The following PCAT7 variants were observed in gnomAD, a reference collection of about 807,000 sequenced individuals.
The protein encoded by PCAT7 is prostate cancer associated transcript 7 (non-protein coding).
At chr9:94,574,559 T>C (rs1334208421) in intron 3 of PCAT7, among the ~76,000 whole-genome samples, 1 of 152,166 alleles carries the variant, frequency 6.6e-6, no homozygotes, top group Admixed American at 6.5e-5. Flanking sequence ...GTCTTGTATA[T>C]GTCACAAATA....
intron 2 of PCAT7, chr9:94,567,136 C>CA (rs1827201084): frequency 2.4e-6 from 2 of 817,980 alleles, no homozygotes; most frequent in South Asian, 3.5e-5. Flanking sequence ...AGGCAGAGTC[C>CA]ATCATCTTCA....
chr9:94,568,155 T>A (rs1018619394), intron 2 of PCAT7: 1 of 151,392 alleles, frequency 6.6e-6, no homozygotes, highest in Non-Finnish European at 1.5e-5. Flanking sequence ...GTGGTACAGT[T>A]ATTTTGTTTA....
At chr9:94,561,531 TA>T (rs1490885900) in intron 2 of PCAT7, among the ~76,000 whole-genome samples, 1 of 151,776 alleles carries the variant, frequency 6.6e-6, no homozygotes, top group Non-Finnish European at 1.5e-5. Flanking sequence ...CCTGGCTAAT[TA>T]TTTTTTGTAT....
In PCAT7 at chr9:94,571,268, C is replaced by T. The variant is rs3824485; in HGVS notation, n.442-1711C>T. Among the ~76,000 whole-genome samples, 29 of 152,292 alleles carry T rather than the reference C, an allele frequency of 1.9e-4. No homozygotes were observed. The East Asian group carries it at 5.0e-3, about 26-fold the overall frequency. On this transcript the variant is annotated intron_variant and non_coding_transcript_variant, in intron 2 of 8. Coordinates refer to ENST00000647389, the Ensembl canonical transcript of PCAT7. The stretch of plus-strand genomic sequence containing the variant: ...TGGCTCTGCAGGACACTCCTCCCCC[C>T]GAGTGCCCTCACTGGGACAGAGGCC...
In PCAT7 at chr9:94,567,158, G is replaced by C. The variant is rs1268651279; in HGVS notation, n.442-5821G>C. On this transcript the variant is annotated intron_variant and non_coding_transcript_variant, in intron 2 of 8. Coordinates refer to ENST00000647389, the Ensembl canonical transcript of PCAT7. ...GTCCATCATCTTCATACTGACCACA[G>C]CCATAAACAGTGGCACCAACCTCTT... The C allele has an allele frequency of 4.7e-6, 5 of 1,055,394 alleles. No homozygotes were observed. In the African/African-American group the frequency reaches 8.0e-5, roughly 17 times the overall value. The allele number at this position is 1,055,394 out of a possible 1,614,324, so 65.4% of individuals were successfully genotyped here. A position where few individuals can be genotyped will look rare whatever the true frequency, so the allele number is the denominator to read the frequency against.
intron 2 of PCAT7, among the ~76,000 whole-genome samples, chr9:94,572,120 T>G (rs1827276195): frequency 6.6e-6 from 1 of 152,174 alleles, no homozygotes; most frequent in South Asian, 2.1e-4. Flanking sequence ...TGCCTTTCTC[T>G]CTGACTCTGT....
chr9:94,563,916 G>T (rs1279178399), intron 2 of PCAT7, among the ~76,000 whole-genome samples: 1 of 152,074 alleles, frequency 6.6e-6, no homozygotes, highest in Non-Finnish European at 1.5e-5. Flanking sequence ...ATGGTAAAGG[G>T]CTCAATTCAA....
At chr9:94,562,924 A>T (rs371397074) in intron 2 of PCAT7, among the ~76,000 whole-genome samples, 23 of 152,308 alleles carry the variant, frequency 1.5e-4, no homozygotes, top group Middle Eastern at 3.4e-3. Flanking sequence ...CTCAACGTGT[A>T]ATTTGTATGT....
intron 2 of PCAT7, chr9:94,567,983 CCGGGCGTGGTGGTGGG>C (rs1827217029): frequency 6.6e-6 from 1 of 152,156 alleles, no homozygotes; most frequent in South Asian, 2.1e-4. Context: ...AAAAAATTGG[CCGGGCGTGGTGGTGGG>C]CACCTGTAGT....
intron 3 of PCAT7, among the ~76,000 whole-genome samples, chr9:94,573,540 G>C (rs992426054): frequency 1.3e-5 from 2 of 152,166 alleles, no homozygotes; most frequent in Non-Finnish European, 2.9e-5. Flanking sequence ...TAATGAATGA[G>C]TGTTGAATTT....
chr9:94,573,765 G>A (rs889237015), intron 3 of PCAT7, among the ~76,000 whole-genome samples: 3 of 152,180 alleles, frequency 2.0e-5, no homozygotes, highest in African/African-American at 7.2e-5. Flanking sequence ...TATTGATAAG[G>A]AATATTGGTC....
chr9:94,564,711 A>G (rs1010444490), intron 2 of PCAT7, among the ~76,000 whole-genome samples: 3 of 152,116 alleles, frequency 2.0e-5, no homozygotes, highest in African/African-American at 4.8e-5. Flanking sequence ...AGTATTGGAT[A>G]CCAGGTTTAG....
At chr9:94,571,397 C>T in intron 2 of PCAT7, 1 of 1,454,910 alleles carries the variant, frequency 6.9e-7, no homozygotes. Context: ...TCGCAGAGAA[C>T]TGGCATTAAG....
intron 2 of PCAT7, chr9:94,571,503 G>A: frequency 6.2e-7 from 1 of 1,613,958 alleles, no homozygotes; most frequent in South Asian, 1.1e-5. Flanking sequence ...CCTGTGGAGA[G>A]AGCCACCAGG....
exon 1 of PCAT7, chr9:94,555,231 G>T (rs1826989909): frequency 6.6e-6 from 1 of 152,078 alleles, no homozygotes; most frequent in Non-Finnish European, 1.5e-5. Flanking sequence ...GTATGCTGGA[G>T]GCTTGAGCCG....
chr9:94,561,271 C>T (rs2131439616), intron 2 of PCAT7, among the ~76,000 whole-genome samples: 1 of 151,492 alleles, frequency 6.6e-6, no homozygotes, highest in Admixed American at 6.6e-5. Context: ...CCTCAGATGC[C>T]CCTGTTGTAG....
chr9:94,562,577 C>T (rs1827125210), intron 2 of PCAT7, among the ~76,000 whole-genome samples: 1 of 152,122 alleles, frequency 6.6e-6, no homozygotes, highest in African/African-American at 2.4e-5. Flanking sequence ...ATTCAAATCT[C>T]AAGGTGACTC....
chr9:94,556,165 G>A (rs978096093), intron 1 of PCAT7, among the ~76,000 whole-genome samples: 1 of 151,772 alleles, frequency 6.6e-6, no homozygotes, highest in African/African-American at 2.4e-5. Context: ...GGGAAAAGAG[G>A]GTGGTGAGCA....
At chr9:94,572,102 C>T (rs541211902) in intron 2 of PCAT7, among the ~76,000 whole-genome samples, 1 of 152,226 alleles carries the variant, frequency 6.6e-6, no homozygotes, top group East Asian at 1.9e-4. Context: ...AGCAGGAAGC[C>T]CTGATTCTGC....
Sources: allele counts gnomAD v4.1 joint callset (sites outside exome capture counted in the v4.1 genomes callset), GRCh38; gene constraint gnomAD v4.1.1; transcripts MANE v1.5; gene names NCBI Gene and HGNC (gene_info 2026-07-23, HGNC 2026-07-21).